Variants in EDARADD observed in about 807,000 individuals in gnomAD.
The protein encoded by EDARADD is ectodysplasin-A receptor-associated adapter protein.
EDARADD carries 20 observed loss-of-function variants against 25.6 expected under a neutral mutation model. The observed-to-expected ratio is 0.78, with a 90% CI of 0.55 to 1.14. The LOEUF is 1.14. Among genes scored for constraint, EDARADD ranks in the 50% most tolerant of loss-of-function variants. EDARADD has a pLI of 0.00. For missense variants in EDARADD, 225 were observed against 270.1 expected (o/e 0.83, Z 1.17); for synonymous variants, 86 against 94.4 (o/e 0.91, Z 0.52).
At position 236,483,477 on chromosome 1, in the gene EDARADD, A is replaced by C; in HGVS notation, c.*828A>C. The C allele has an allele frequency of 9.7e-7, 1 of 1,030,250 alleles. No individual in the cohort carries two copies. Among genetic ancestry groups the C allele is most frequent in the Non-Finnish European group, 1.5e-6 (1 of 650,276 alleles). 63.8% of individuals were successfully genotyped at this position (1,030,250 alleles called of 1,614,324 possible). A position where few individuals can be genotyped will look rare whatever the true frequency, so the allele number is the denominator to read the frequency against. On this transcript the variant is annotated 3_prime_UTR_variant, in exon 6 of 6. Transcript: ENST00000334232. ...GATGGATGGAACAGAAAATAAATCT[A>C]AATTTGGTGCAAATGCCATTCTGGG...
chr1:236,414,678 A>G (rs2103010532), intron 3 of EDARADD, among the ~76,000 whole-genome samples: 1 of 152,226 alleles, frequency 6.6e-6, no homozygotes, highest in African/African-American at 2.4e-5. Flanking sequence ...TCGCACCTGT[A>G]ATCCCTGCAC....
rs186031124 is a variant in EDARADD, at chr1:236,361,428, C to T, written c.-6+10589C>T. Among the ~76,000 whole-genome samples, 935 of 151,836 alleles carry T rather than the reference C, an allele frequency of 6.2e-3. 11 individuals carry two copies. Among genetic ancestry groups the T allele is most frequent in the African/African-American group, 0.021 (876 of 41,378 alleles). ...CCTCCGGGTTCAAGTGATTCTCCTT[C>T]CTCAGCCTCTCCTTCCTCAGCCTCC... On this transcript the variant is annotated intron_variant, in intron 3 of 7. Coordinates refer to the EDARADD transcript ENST00000439430.
chr1:236,445,068 T>A (rs1446292400), intron 4 of EDARADD, among the ~76,000 whole-genome samples: 2 of 152,068 alleles, frequency 1.3e-5, no homozygotes, highest in African/African-American at 4.8e-5. Flanking sequence ...TTTGTATTAA[T>A]CTTGTATCCT....
chr1:236,440,682 T>G (rs540428851), intron 4 of EDARADD, among the ~76,000 whole-genome samples: 1 of 152,310 alleles, frequency 6.6e-6, no homozygotes, highest in Admixed American at 6.5e-5. Flanking sequence ...TGTGTCACAA[T>G]TTGGTAATTC....
At chr1:236,389,311 C>T (rs2102998142), upstream of EDARADD, among the ~76,000 whole-genome samples, 1 of 152,276 alleles carries the variant, frequency 6.6e-6, no homozygotes, top group South Asian at 2.1e-4. Context: ...CTGCTCTGCA[C>T]CTACCACTCC....
At chr1:236,414,153 T>G in intron 2 of EDARADD, 107 bp from the exon 3 acceptor site, 1 of 948,612 alleles carries the variant, frequency 1.1e-6, no homozygotes, top group Non-Finnish European at 1.7e-6. Flanking sequence ...GTTAAACATT[T>G]TCAAGTTTTT....
chr1:236,357,252 AAC>A (rs961013400), intron 3 of EDARADD, among the ~76,000 whole-genome samples: 2 of 152,334 alleles, frequency 1.3e-5, no homozygotes, highest in African/African-American at 4.8e-5. Flanking sequence ...TCTTAAAGAA[AAC>A]AGTCATCTGG....
chr1:236,475,591 C>T (rs1322553639), intron 5 of EDARADD, among the ~76,000 whole-genome samples: 2 of 150,544 alleles, frequency 1.3e-5, no homozygotes, highest in Admixed American at 6.6e-5. Flanking sequence ...GGTGAAAACC[C>T]GTCTCTACTA....
chr1:236,400,339 C>T (rs567633195), intron 1 of EDARADD, among the ~76,000 whole-genome samples: 13 of 152,186 alleles, frequency 8.5e-5, no homozygotes, highest in African/African-American at 3.1e-4. Context: ...CGGCTGCCCT[C>T]CAGAGAGGTT....
chr1:236,416,004 A>G (rs1307915251), intron 3 of EDARADD, among the ~76,000 whole-genome samples: 1 of 152,132 alleles, frequency 6.6e-6, no homozygotes, highest in Admixed American at 6.5e-5. Context: ...CCCAGGGCCA[A>G]CCTGTCCAGA....
In EDARADD at chr1:236,351,686, G is replaced by C. The variant is rs188281386; in HGVS notation, c.-6+847G>C. Reference sequence around the variant, plus strand: ...GATCACCCCACTGCACACTAGCCTGGCAACAGAGCGAGACTCTGTCTCAAA... The same window carrying C: ...GATCACCCCACTGCACACTAGCCTGCCAACAGAGCGAGACTCTGTCTCAAA... On this transcript the variant is annotated intron_variant, in intron 3 of 7. Coordinates refer to the EDARADD transcript ENST00000439430. Among the ~76,000 whole-genome samples the C allele has an allele frequency of 2.2e-4, 32 of 147,228 alleles. 1 individual carries two copies. The highest frequency in any genetic ancestry group is 7.6e-4 in the African/African-American group (30 of 39,512).
chr1:236,379,526 C>T (rs865856827), intron 3 of EDARADD, among the ~76,000 whole-genome samples: 1 of 152,058 alleles, frequency 6.6e-6, no homozygotes, highest in African/African-American at 2.4e-5. Context: ...CGCTTGTAAT[C>T]CCAGCACTTT....
At chr1:236,447,597 C>G (rs1386295563) in intron 4 of EDARADD, among the ~76,000 whole-genome samples, 1 of 151,994 alleles carries the variant, frequency 6.6e-6, no homozygotes, top group African/African-American at 2.4e-5. Context: ...AAACATCAGC[C>G]CTGTTAAGCG....
At chr1:236,424,953 G>A (rs934771233) in intron 3 of EDARADD, among the ~76,000 whole-genome samples, 4 of 152,322 alleles carry the variant, frequency 2.6e-5, no homozygotes, top group Non-Finnish European at 5.9e-5. Flanking sequence ...GCCACATAAA[G>A]TTGTGGCTTT....
chr1:236,384,331 T>A (rs371305320), intron 3 of EDARADD, among the ~76,000 whole-genome samples: 38 of 152,356 alleles, frequency 2.5e-4, no homozygotes, highest in African/African-American at 8.9e-4. Context: ...GCTTTAAAAA[T>A]TTGCCGATCG....
At position 236,483,493 on chromosome 1, in the gene EDARADD, C is replaced by G; in HGVS notation, c.*844C>G. The G allele has an allele frequency of 9.9e-7, 1 of 1,014,450 alleles. No homozygotes were observed. Among genetic ancestry groups the G allele is most frequent in the Non-Finnish European group, 1.6e-6 (1 of 636,094 alleles). 62.8% of individuals were successfully genotyped at this position (1,014,450 alleles called of 1,614,324 possible). ...AATAAATCTAAATTTGGTGCAAATG[C>G]CATTCTGGGAGTGTCCCTCGCTGCC... is the stretch of plus-strand genomic sequence containing the variant. On this transcript the variant is annotated 3_prime_UTR_variant, in exon 6 of 6. Transcript: ENST00000334232.
chr1:236,447,921 C>T (rs1408895919), intron 4 of EDARADD, among the ~76,000 whole-genome samples: 2 of 151,958 alleles, frequency 1.3e-5, no homozygotes, highest in Non-Finnish European at 2.9e-5. Context: ...CTGCAACCTC[C>T]GCCTCCCAGG....
chr1:236,400,089 CA>C, intron 1 of EDARADD, among the ~76,000 whole-genome samples: 1 of 152,220 alleles, frequency 6.6e-6, no homozygotes, highest in East Asian at 1.9e-4. Context: ...AGAGGGATGG[CA>C]ATCTGTGGTT....
chr1:236,438,641 T>C (rs1223843101), intron 4 of EDARADD, among the ~76,000 whole-genome samples: 1 of 152,212 alleles, frequency 6.6e-6, no homozygotes, highest in Non-Finnish European at 1.5e-5. Flanking sequence ...TCCCTGCAAA[T>C]CATCCGTAGT....
Sources: gnomAD v4.1 joint callset for allele counts (sites outside exome capture counted in the v4.1 genomes callset) on GRCh38, gnomAD v4.1.1 for gene constraint, MANE v1.5 for transcripts, NCBI Gene and HGNC (gene_info 2026-07-23, HGNC 2026-07-21) for gene names.